Variants in KRT76 observed in about 807,000 individuals in gnomAD.
KRT76 encodes keratin 76.
Under a neutral mutation model 44.9 loss-of-function variants are expected in KRT76, and 47 were observed. The ratio of observed to expected loss-of-function variants is 1.05; its 90% CI spans 0.83 to 1.33. The LOEUF (loss-of-function observed/expected upper bound fraction) is 1.33, where lower values mean the gene tolerates loss of function less well. Ranked by LOEUF, KRT76 falls within the 40% of genes most tolerant of loss-of-function variation. The pLI is 0.00. For missense variants in KRT76, 860 were observed against 775.8 expected (o/e 1.11, Z -1.29); for synonymous variants, 331 against 294.1 (o/e 1.13, Z -1.28).
Position 52,769,441 on chromosome 12 carries a change from G to A in KRT76, c.1519+108C>T. On this transcript the variant is annotated intron_variant, in intron 8 of 8. Coordinates refer to ENST00000332411, the MANE Select transcript of KRT76 (RefSeq NM_015848.4). ...GATCCTAGACGCTGTCAGGTGGCCT[G>A]ACTTCCTTGGATGGAACAGGCCTTC... 3.2e-6 allele frequency: 3 copies of A among 951,352 alleles called. No individual in the cohort carries two copies. The East Asian group carries it at 7.2e-5, about 23-fold the overall frequency. 58.9% of individuals were successfully genotyped at this position (951,352 alleles called of 1,614,324 possible).
chr12:52,773,831 CT>C (rs56913347), intron 2 of KRT76, among the ~76,000 whole-genome samples, 189 bp from the exon 3 acceptor site: 33,629 of 139,024 alleles, frequency 0.24, 5,159 homozygotes, highest in African/African-American at 0.45. Flanking sequence ...GACATTCTTT[CT>C]TTTTTTTTTT....
rs796340067 is a variant in KRT76, at chr12:52,768,450, T to C, written c.*263A>G. The C allele has an allele frequency of 5.3e-5, 23 of 432,964 alleles. No homozygotes were observed. Among genetic ancestry groups the C allele is most frequent in the African/African-American group, 4.3e-4 (22 of 51,192 alleles). The allele number at this position is 432,964 out of a possible 1,614,324, so 26.8% of individuals were successfully genotyped here. ...CCAGGCTGTGAAGGCCAAAACTGGC[T>C]TGGGCTCAGGGGTTGCTGTCCAAAG... On this transcript the variant is annotated 3_prime_UTR_variant, in exon 9 of 9. Coordinates refer to ENST00000332411, the MANE Select transcript of KRT76 (RefSeq NM_015848.4).
At position 52,776,933 on chromosome 12, in the gene KRT76, C is replaced by A. The variant is rs764340078; in HGVS notation, c.359G>T (p.Gly120Val). 1.8e-4 allele frequency: 283 copies of A among 1,613,732 alleles called. 4 individuals are homozygous for A. In the South Asian group the frequency reaches 2.1e-3, roughly 12 times the overall value. The change falls in exon 1 of 9, where the codon GGT (glycine) becomes GTT (valine). Residue 120 changes from glycine to valine, a missense_variant. Transcript: ENST00000332411. ...RGVGSGFGGAGGFGGAGGFGG... is the reference protein window; with the variant it reads ...RGVGSGFGGAVGFGGAGGFGG... Reference sequence around the variant, plus strand: ...AAAGCCACCAGCTCCACCAAAGCCACCAGCCCCTCCAAAACCACTACCTAC... The same window carrying A: ...AAAGCCACCAGCTCCACCAAAGCCAACAGCCCCTCCAAAACCACTACCTAC...
chr12:52,771,362 A>C, intron 6 of KRT76, 143 bp from the exon 7 acceptor site: 1 of 799,472 alleles, frequency 1.3e-6, no homozygotes. Context: ...AAAAGAAGTC[A>C]GTTTTGCAGT....
In KRT76 at chr12:52,768,532, G is replaced by A; in HGVS notation, c.*181C>T. 1.6e-6 allele frequency: 1 copy of A among 642,688 alleles called. No individual in the cohort carries two copies. Among genetic ancestry groups the A allele is most frequent in the Non-Finnish European group, 2.6e-6 (1 of 380,982 alleles). 39.8% of individuals were successfully genotyped at this position (642,688 alleles called of 1,614,324 possible). ...CATCATCATCCCAGACCAGCAGCAG[G>A]ACCTCCATGGCCCTGGGAAGGTCAT... On this transcript the variant is annotated 3_prime_UTR_variant, in exon 9 of 9. Coordinates refer to ENST00000332411, the MANE Select transcript of KRT76 (RefSeq NM_015848.4).
At chr12:52,775,709 A>C in intron 1 of KRT76, 107 bp from the exon 2 acceptor site, 1 of 815,082 alleles carries the variant, frequency 1.2e-6, no homozygotes, top group Non-Finnish European at 2.0e-6. Context: ...TTCAATCTAC[A>C]ATTTCCCCTG....
In KRT76 at chr12:52,768,802, C is replaced by T. The variant is rs1431573769; in HGVS notation, c.1828G>A (p.Gly610Arg). 1 of 1,613,838 alleles carries T rather than the reference C, an allele frequency of 6.2e-7. No homozygotes were observed. Among genetic ancestry groups the T allele is most frequent in the Non-Finnish European group, 8.5e-7 (1 of 1,179,896 alleles). The change falls in exon 9 of 9, where the codon GGA (glycine) becomes AGA (arginine). Residue 610 changes from glycine (G) to arginine (R), a missense_variant. Transcript: ENST00000332411. ...SSSGSIQTSG[G>R]SGYKSGGGGS... ...CCACCACCAGACTTGTAGCCACTTC[C>T]TCCAGAAGTCTGGATGCTGCCAGAG...
chr12:52,775,071 C>T (rs1939239536), intron 2 of KRT76, among the ~76,000 whole-genome samples: 1 of 152,194 alleles, frequency 6.6e-6, no homozygotes, highest in Non-Finnish European at 1.5e-5. Flanking sequence ...TGTTGACAAG[C>T]ATCCAAGGTG....
chr12:52,772,213 G>A lies in KRT76; in HGVS notation c.1018C>T (p.Leu340=), dbSNP rs370451078. 116 of 1,612,152 alleles carry A rather than the reference G, an allele frequency of 7.2e-5. No homozygotes were observed. Among genetic ancestry groups the A allele is most frequent in the Non-Finnish European group, 8.2e-5 (97 of 1,179,030 alleles). ...AGGCAGCGGTTGTTGTCCATGGACA[G>A]AACCACAGACGTGTCACTGGCATGG... The part of the protein sequence containing the change: ...QSHASDTSVV[L]SMDNNRCLDL... The change falls in exon 5 of 9, where the codon CTG becomes TTG. Residue 340 remains leucine (L), a synonymous_variant. Coordinates refer to ENST00000332411, the MANE Select transcript of KRT76 (RefSeq NM_015848.4).
rs377548693 is a variant in KRT76, at chr12:52,769,062, C to T, written c.1568G>A (p.Arg523His). 1.3e-4 allele frequency: 94 copies of T among 726,324 alleles called. No individual in the cohort carries two copies. Among genetic ancestry groups the T allele is most frequent in the East Asian group, 3.5e-4 (13 of 37,300 alleles). 45.0% of individuals were successfully genotyped at this position (726,324 alleles called of 1,614,324 possible). A position where few individuals can be genotyped will look rare whatever the true frequency, so the allele number is the denominator to read the frequency against. ...TSTSGSSGSS[R>H]GVFGGVSGSG... ...GCCACTGACCCCTCCAAAAACTCCA[C>T]GGCTACTGCCAGAGCTGCCACTTGT... The change falls in exon 9 of 9, where the codon CGT (arginine) becomes CAT (histidine). Residue 523 changes from arginine (R) to histidine (H), a missense_variant. By Grantham distance (29) the Arg-to-His change is conservative. Transcript: ENST00000332411.
intron 7 of KRT76, among the ~76,000 whole-genome samples, chr12:52,770,382 G>C (rs542093738): frequency 6.6e-6 from 1 of 152,294 alleles, no homozygotes; most frequent in African/African-American, 2.4e-5. Flanking sequence ...CTCAATTCTT[G>C]ACACTCCTTT....
chr12:52,768,703 G>T lies in KRT76; in HGVS notation c.*10C>A. On this transcript the variant is annotated 3_prime_UTR_variant, in exon 9 of 9. Coordinates refer to ENST00000332411, the MANE Select transcript of KRT76 (RefSeq NM_015848.4). ...GGAAGCAGGTGGTTATAGAGATTTG[G>T]AACAGTAGATCACTTGGTGGAGCTA... is the stretch of plus-strand genomic sequence containing the variant. 6.3e-7 allele frequency: 1 copy of T among 1,582,702 alleles called. No homozygotes were observed. Among genetic ancestry groups the T allele is most frequent in the South Asian group, 1.1e-5 (1 of 87,724 alleles).
rs973460867 is a variant in KRT76 at position 52,769,225 on chromosome 12, T to A, written c.1520-115A>T. 5 of 613,690 alleles carry A rather than the reference T, an allele frequency of 8.1e-6. No individual in the cohort carries two copies. In the African/African-American group the frequency reaches 9.3e-5, roughly 11 times the overall value. 38.0% of individuals were successfully genotyped at this position (613,690 alleles called of 1,614,324 possible). On this transcript the variant is annotated intron_variant, in intron 8 of 8. Transcript: ENST00000332411. ...TGACTTCGAGAAAGATGCTAACTTATCTAATGCCTCAGTTTGCAAACCATG... is the reference window on the plus strand; with the variant it reads ...TGACTTCGAGAAAGATGCTAACTTAACTAATGCCTCAGTTTGCAAACCATG...
At chr12:52,773,040 T>C (rs956687795) in intron 3 of KRT76, among the ~76,000 whole-genome samples, 162 bp from the exon 4 acceptor site, 1 of 152,230 alleles carries the variant, frequency 6.6e-6, no homozygotes, top group African/African-American at 2.4e-5. Context: ...AAAATGGCTT[T>C]CTTCCTTTTC....
intron 2 of KRT76, among the ~76,000 whole-genome samples, chr12:52,774,012 A>G (rs1248434958): frequency 6.6e-6 from 1 of 152,066 alleles, no homozygotes; most frequent in South Asian, 2.1e-4. Flanking sequence ...TTTAATTTTT[A>G]GTAGAGACAA....
rs768897507 is a variant in KRT76 at position 52,771,966 on chromosome 12, G to T, written c.1168C>A (p.His390Asn). 3 of 1,613,972 alleles carry T rather than the reference G, an allele frequency of 1.9e-6. No homozygotes were observed. Among genetic ancestry groups the T allele is most frequent in the South Asian group, 2.2e-5 (2 of 91,054 alleles). Residue 390 changes from histidine to asparagine, a missense_variant, in exon 6 of 9, where the codon CAT (histidine) becomes AAT (asparagine). Transcript: ENST00000332411. Reference protein sequence around the residue: ...LGELQTTAGRHGDDLRNTKSE... With the variant: ...LGELQTTAGRNGDDLRNTKSE... Reference sequence around the variant, plus strand: ...TTGGTGTTCCTCAGGTCATCCCCATGCCTGCCAGCTGTGGTCTGCAGCTCC... The same window carrying T: ...TTGGTGTTCCTCAGGTCATCCCCATTCCTGCCAGCTGTGGTCTGCAGCTCC...
At position 52,773,581 on chromosome 12, in the gene KRT76, C is replaced by A. The variant is rs778838553; in HGVS notation, c.876+1G>T. 1.2e-6 allele frequency: 2 copies of A among 1,611,374 alleles called. No individual in the cohort carries two copies. Among genetic ancestry groups the A allele is most frequent in the South Asian group, 1.1e-5 (1 of 90,766 alleles). On this transcript the variant is annotated splice_donor_variant, in intron 3 of 8. Transcript: ENST00000332411. LOFTEE classifies it high-confidence loss of function. ...GGATATGCTGGTCCAGGCTCACCTA[C>A]CTTCTTGAGCCCCACAAACTCATTC...
intron 8 of KRT76, 119 bp downstream of exon 8, chr12:52,769,430 T>G (rs1939145005): frequency 1.2e-6 from 1 of 836,392 alleles, no homozygotes; most frequent in African/African-American, 1.7e-5. Context: ...CTAGACGCTG[T>G]CAGGTGGCCT....
chr12:52,771,369 C>T (rs1049321731), intron 6 of KRT76, 150 bp from the exon 7 acceptor site: 7 of 780,958 alleles, frequency 9.0e-6, no homozygotes, highest in East Asian at 2.7e-5. Context: ...GTCAGTTTTG[C>T]AGTTGGTTAA....
Sources: gnomAD v4.1 joint callset for allele counts (sites outside exome capture counted in the v4.1 genomes callset) on GRCh38, gnomAD v4.1.1 for gene constraint, MANE v1.5 for transcripts, NCBI Gene and HGNC (gene_info 2026-07-23, HGNC 2026-07-21) for gene names.